RPS3: variants seen among roughly 807,000 people sequenced by gnomAD.
The protein encoded by RPS3 is ribosomal protein S3, also known as small ribosomal subunit protein uS3.
Under a neutral mutation model 25.8 loss-of-function variants are expected in RPS3, and 2 were observed. The ratio of observed to expected loss-of-function variants is 0.08; its 90% CI spans 0.03 to 0.24. RPS3 has a LOEUF of 0.24. RPS3 is among the 10% of genes least tolerant of loss of function. The pLI is 1.00. For synonymous variants in RPS3, 114 were observed against 114.2 expected (o/e 1.00, Z 0.01); for missense variants, 107 against 307.1 (o/e 0.35, Z 4.87).
At chr11:75,403,891 C>T (rs1045214300) in intron 4 of RPS3, 129 bp from the exon 5 acceptor site, 2 of 805,194 alleles carry the variant, frequency 2.5e-6, no homozygotes, top group Non-Finnish European at 3.9e-6. Flanking sequence ...AATTGGTATT[C>T]TTGGGGCCGG....
Position 75,404,679 on chromosome 11 carries a change from G to A in RPS3, c.546G>A (p.Leu182=). The A allele has an allele frequency of 6.2e-7, 1 of 1,610,956 alleles. No homozygotes were observed. The highest frequency in any genetic ancestry group is 8.5e-7 in the Non-Finnish European group (1 of 1,178,334). Reference sequence around the variant, plus strand: ...AACTGTGGTGTCCTCTAGGTGTGCTGGGCATCAAGGTGAAGATCATGCTGC... The same window carrying A: ...AACTGTGGTGTCCTCTAGGTGTGCTAGGCATCAAGGTGAAGATCATGCTGC... The part of the protein sequence containing the change: ...VRHVLLRQGV[L]GIKVKIMLPW... Residue 182 remains leucine, a synonymous_variant, in exon 6 of 7, where the codon CTG becomes CTA. Transcript: ENST00000531188. This position sits in a 1 kb window ranked among gnomAD's most constrained non-coding sequence, Gnocchi z 4.6.
At chr11:75,416,691 G>T (rs1388220610) in intron 6 of RPS3, among the ~76,000 whole-genome samples, 1 of 151,902 alleles carries the variant, frequency 6.6e-6, no homozygotes, top group African/African-American at 2.4e-5. Context: ...CTCCCAACGT[G>T]TGGTGATCCG....
At chr11:75,413,709 C>T (rs561717820) in intron 6 of RPS3, among the ~76,000 whole-genome samples, 35 of 152,336 alleles carry the variant, frequency 2.3e-4, no homozygotes, top group African/African-American at 7.7e-4. Context: ...AGCAGGCCTG[C>T]CCTCTCAGGG....
intron 6 of RPS3, among the ~76,000 whole-genome samples, chr11:75,416,826 C>G (rs531115553): frequency 5.8e-4 from 89 of 152,324 alleles, no homozygotes; most frequent in African/African-American, 2.1e-3. Context: ...AGCATCAGAG[C>G]TGGAAAACAT....
At chr11:75,411,786 G>A (rs547843548), downstream of RPS3, among the ~76,000 whole-genome samples, 3 of 152,366 alleles carry the variant, frequency 2.0e-5, no homozygotes, top group African/African-American at 7.2e-5. Context: ...CAGGAGTGCT[G>A]TTCAGTAGAG....
At chr11:75,414,386 C>T (rs1322362909) in intron 6 of RPS3, among the ~76,000 whole-genome samples, 7 of 152,132 alleles carry the variant, frequency 4.6e-5, no homozygotes, top group Admixed American at 2.0e-4. Context: ...CCGAGGCAGG[C>T]GGATCACGAG....
intron 1 of RPS3, 117 bp downstream of exon 1, chr11:75,399,694 C>T (rs1396117596): frequency 1.2e-6 from 1 of 866,504 alleles, no homozygotes. Context: ...GCCTAGGCTT[C>T]CTGGCGTTCC....
rs758395455 is a variant in RPS3, at chr11:75,400,524, A to G, written c.31-170A>G. ...AATTTCCTAAAGATGACTTAGAGGC[A>G]TTTGTCTGAGAAGGGTTGCTGCACT... On this transcript the variant is annotated intron_variant, in intron 1 of 6. Coordinates refer to ENST00000531188, the MANE Select transcript of RPS3 (RefSeq NM_001005.5). The G allele has an allele frequency of 1.7e-5, 16 of 928,458 alleles. No individual in the cohort carries two copies. In the East Asian group the frequency reaches 4.2e-4, roughly 24 times the overall value. 57.5% of individuals were successfully genotyped at this position (928,458 alleles called of 1,614,324 possible). A position where few individuals can be genotyped will look rare whatever the true frequency, so the allele number is the denominator to read the frequency against.
downstream of RPS3, among the ~76,000 whole-genome samples, chr11:75,407,161 G>A (rs1194272463): frequency 6.6e-6 from 1 of 152,112 alleles, no homozygotes; most frequent in Non-Finnish European, 1.5e-5. Context: ...TTTTTGAGGT[G>A]GAGTTTTGCT....
chr11:75,408,247 A>G (rs557642749), downstream of RPS3, among the ~76,000 whole-genome samples: 1 of 152,316 alleles, frequency 6.6e-6, no homozygotes, highest in Admixed American at 6.5e-5. Flanking sequence ...TCACACCTGG[A>G]ATCCCAGCAC....
chr11:75,418,968 T>C (rs1467332069), intron 6 of RPS3, among the ~76,000 whole-genome samples: 1 of 152,200 alleles, frequency 6.6e-6, no homozygotes, highest in East Asian at 1.9e-4. Context: ...AGCCCCCCAG[T>C]TGCCTAGAGA....
chr11:75,411,515 G>A (rs1220403976), downstream of RPS3, among the ~76,000 whole-genome samples: 1 of 151,594 alleles, frequency 6.6e-6, no homozygotes, highest in African/African-American at 2.4e-5. Context: ...TCAGCCTCCC[G>A]AGTAGCTGGG....
chr11:75,405,078 A>T (rs1245050539), intron 6 of RPS3: 17 of 417,744 alleles, frequency 4.1e-5, no homozygotes, highest in Non-Finnish European at 5.1e-5. Flanking sequence ...TCCAGAAAGA[A>T]GTTCCTGCTT....
At chr11:75,408,365 T>C (rs1400038784), downstream of RPS3, among the ~76,000 whole-genome samples, 1 of 151,894 alleles carries the variant, frequency 6.6e-6, no homozygotes, top group Admixed American at 6.6e-5. Context: ...ATTTGCCAGA[T>C]ATGGAGGCTG....
Position 75,404,911 on chromosome 11 carries a change from C to A in RPS3, c.*3+43C>A. 1 of 1,328,010 alleles carries A rather than the reference C, an allele frequency of 7.5e-7. No individual in the cohort carries two copies. Among genetic ancestry groups the A allele is most frequent in the South Asian group, 1.5e-5 (1 of 68,458 alleles). The allele number at this position is 1,328,010 out of a possible 1,614,324, so 82.3% of individuals were successfully genotyped here. A position where few individuals can be genotyped will look rare whatever the true frequency, so the allele number is the denominator to read the frequency against. On this transcript the variant is annotated intron_variant, in intron 6 of 6. Coordinates refer to ENST00000531188, the MANE Select transcript of RPS3 (RefSeq NM_001005.5). This position sits in a 1 kb window ranked among gnomAD's most constrained non-coding sequence, Gnocchi z 4.6. ...GGGGCCTCTTGGGGCATAATAGGGT[C>A]CTTCCGAGTCTTTCTGTTAATACTT...
chr11:75,399,981 C>A, intron 1 of RPS3: 1 of 284,870 alleles, frequency 3.5e-6, no homozygotes, highest in Non-Finnish European at 6.7e-6. Context: ...CCGCTGGCCC[C>A]AGGACCTCAA....
chr11:75,406,827 C>T lies in RPS3; in HGVS notation c.*1217C>T, dbSNP rs992499644. On this transcript the variant is annotated 3_prime_UTR_variant, in exon 7 of 7. Transcript: ENST00000531188. ...TTCAAAATACTATATTTTCTTGTCA[C>T]TTATTTTCTTGTACACTGCAGTTGT... The T allele has an allele frequency of 1.3e-5, 2 of 152,158 alleles. No homozygotes were observed. Among genetic ancestry groups the T allele is most frequent in the African/African-American group, 4.8e-5 (2 of 41,442 alleles). 9.4% of individuals were successfully genotyped at this position (152,158 alleles called of 1,614,324 possible).
chr11:75,409,392 C>T (rs10899088), downstream of RPS3, among the ~76,000 whole-genome samples: 33,081 of 133,140 alleles, frequency 0.25, 5,108 homozygotes, highest in Non-Finnish European at 0.36. Context: ...TGCCTCTTAA[C>T]GAGCATGCTG....
chr11:75,405,986 G>A lies in RPS3; in HGVS notation c.*376G>A, dbSNP rs1948283176. The A allele has an allele frequency of 5.8e-6, 1 of 171,510 alleles. No homozygotes were observed. Among genetic ancestry groups the A allele is most frequent in the South Asian group, 1.4e-4 (1 of 7,328 alleles). 10.6% of individuals were successfully genotyped at this position (171,510 alleles called of 1,614,324 possible). A position where few individuals can be genotyped will look rare whatever the true frequency, so the allele number is the denominator to read the frequency against. ...TTGCACATAGAAAGTGAATATAAAT[G>A]GCCATTATATTTTGTGTCATGCTGT... is the stretch of plus-strand genomic sequence containing the variant. On this transcript the variant is annotated 3_prime_UTR_variant, in exon 7 of 7. Coordinates refer to ENST00000531188, the MANE Select transcript of RPS3 (RefSeq NM_001005.5).
Sources: allele counts gnomAD v4.1 joint callset (sites outside exome capture counted in the v4.1 genomes callset), GRCh38; gene constraint gnomAD v4.1.1; non-coding constraint Gnocchi (gnomAD v3.1); transcripts MANE v1.5; gene names NCBI Gene and HGNC (gene_info 2026-07-23, HGNC 2026-07-21).